PANX1: variants seen among roughly 807,000 people sequenced by gnomAD.
The protein encoded by PANX1 is pannexin 1, also known as pannexin-1.
A neutral mutation model predicts 38.7 loss-of-function variants in PANX1; 30 were observed. That is an observed-to-expected ratio of 0.78 (90% confidence interval 0.58 to 1.05). The LOEUF is 1.05. PANX1 is among the 50% of genes least tolerant of loss of function. PANX1 has a pLI of 0.00. For missense variants in PANX1, 551 were observed against 517.2 expected, an observed-to-expected ratio of 1.07 and a Z score of -0.63; for synonymous variants, 230 against 212.2, an observed-to-expected ratio of 1.08 and a Z score of -0.73.
rs571467442 is a variant in PANX1, at chr11:94,162,041, G to C, written c.321+8411G>C. Among the ~76,000 whole-genome samples, 16 of 152,290 alleles carry C rather than the reference G, an allele frequency of 1.1e-4. No homozygotes were observed. In the South Asian group the frequency reaches 3.3e-3, roughly 32 times the overall value. ...GGAGGCTGCAGAACAGCAGATACTG[G>C]TGAGCAGCAAATGTTGCTGCCTGAT... On this transcript the variant is annotated intron_variant, in intron 2 of 4. Transcript: ENST00000227638.
chr11:94,129,981 G>C (rs148378606), intron 1 of PANX1, among the ~76,000 whole-genome samples: 86 of 152,312 alleles, frequency 5.6e-4, no homozygotes, highest in African/African-American at 2.0e-3. Context: ...AGCTCTCTAG[G>C]GTTGTGAATG....
At position 94,179,674 on chromosome 11, in the gene PANX1, T is replaced by A. The variant is rs1273374103; in HGVS notation, c.618T>A (p.Ser206=). ...VEQYLKTKKN[S]NNLIIKYISC... ...AGTACTTGAAGACAAAGAAAAATTC[T>A]AATAATTTAATCATCAAGTACATTA... is the stretch of plus-strand genomic sequence containing the variant. Residue 206 remains serine, a synonymous_variant, in exon 4 of 5, where the codon TCT becomes TCA. Coordinates refer to ENST00000227638, the MANE Select transcript of PANX1 (RefSeq NM_015368.4). 6.2e-7 allele frequency: 1 copy of A among 1,613,488 alleles called. No individual in the cohort carries two copies. The highest frequency in any genetic ancestry group is 2.2e-5 in the East Asian group (1 of 44,894).
Position 94,153,500 on chromosome 11 carries a change from T to G in PANX1, c.191T>G (p.Ile64Arg), listed in dbSNP as rs369757341. ...FAQEISIGTQISCFSPSSFSW... is the reference protein window; with the variant it reads ...FAQEISIGTQRSCFSPSSFSW... ...CTGTTTTGCTTCTTAGGTACACAGATAAGCTGTTTCTCTCCAAGTTCTTTC... is the reference window on the plus strand; with the variant it reads ...CTGTTTTGCTTCTTAGGTACACAGAGAAGCTGTTTCTCTCCAAGTTCTTTC... Residue 64 changes from isoleucine (I) to arginine (R), a missense_variant, in exon 2 of 5, where the codon ATA becomes AGA. Coordinates refer to ENST00000227638, the MANE Select transcript of PANX1 (RefSeq NM_015368.4). The G allele has an allele frequency of 6.2e-7, 1 of 1,614,226 alleles. No individual in the cohort carries two copies. Among genetic ancestry groups the G allele is most frequent in the South Asian group, 1.1e-5 (1 of 91,082 alleles).
chr11:94,170,890 C>G lies in PANX1; in HGVS notation c.322-7479C>G, dbSNP rs74496946. Among the ~76,000 whole-genome samples the G allele has an allele frequency of 4.6e-3, 698 of 151,876 alleles. 35 individuals are homozygous for G. The highest frequency in any genetic ancestry group is 0.016 in the African/African-American group (665 of 41,146). ...TCTTTCTGGCACAATTGCTGTCCAG[C>G]AGGGGAGCCCACTGTTGACCCAGGA... On this transcript the variant is annotated intron_variant, in intron 2 of 4. Coordinates refer to ENST00000227638, the MANE Select transcript of PANX1 (RefSeq NM_015368.4).
At chr11:94,144,737 CTCCCTGGCCATTCATCCTCAGGGTGT>C (rs1412300098) in intron 1 of PANX1, among the ~76,000 whole-genome samples, 2 of 152,166 alleles carry the variant, frequency 1.3e-5, no homozygotes, top group Non-Finnish European at 2.9e-5. Context: ...ACCTTCTCTC[CTCCCTGGCCATTCATCCTCAGGGTGT>C]CATAGGTGTT....
rs534223808 is a variant in PANX1 at position 94,128,938 on chromosome 11, G to T, written c.-375G>T. Reference sequence around the variant, plus strand: ...CCGCTTCGGCAGCCAGGGCGGCGCGGAGGGGCAGGGCCAGAGGGAAGCGCT... The same window carrying T: ...CCGCTTCGGCAGCCAGGGCGGCGCGTAGGGGCAGGGCCAGAGGGAAGCGCT... On this transcript the variant is annotated 5_prime_UTR_variant, in exon 1 of 5. Transcript: ENST00000227638. 253 of 161,570 alleles carry T rather than the reference G, an allele frequency of 1.6e-3. No homozygotes were observed. The highest frequency in any genetic ancestry group is 5.7e-3 in the African/African-American group (237 of 41,928). The allele number at this position is 161,570 out of a possible 1,614,324, so 10.0% of individuals were successfully genotyped here. A position where few individuals can be genotyped will look rare whatever the true frequency, so the allele number is the denominator to read the frequency against.
intron 2 of PANX1, among the ~76,000 whole-genome samples, chr11:94,154,772 C>T (rs1946926993): frequency 6.6e-6 from 1 of 152,152 alleles, no homozygotes; most frequent in Non-Finnish European, 1.5e-5. Flanking sequence ...CTACTGTTGA[C>T]TGGAAGCCTT....
At chr11:94,146,746 CAGAG>C (rs1324967865) in intron 1 of PANX1, among the ~76,000 whole-genome samples, 1 of 152,164 alleles carries the variant, frequency 6.6e-6, no homozygotes, top group East Asian at 1.9e-4. Context: ...CAGAGAAAGA[CAGAG>C]AAAGTTCCAG....
chr11:94,133,299 T>C (rs778558204), intron 1 of PANX1, among the ~76,000 whole-genome samples: 21 of 152,148 alleles, frequency 1.4e-4, no homozygotes, highest in Non-Finnish European at 2.9e-4. Context: ...TCTGCCTTGC[T>C]CATTCACCAG....
intron 1 of PANX1, among the ~76,000 whole-genome samples, chr11:94,148,603 T>C (rs1401981583): frequency 6.6e-6 from 1 of 152,200 alleles, no homozygotes; most frequent in Non-Finnish European, 1.5e-5. Flanking sequence ...TTGGCAACCT[T>C]AAAATATAGC....
In PANX1 at chr11:94,137,583, C is replaced by G. The variant is rs928631878; in HGVS notation, c.181+8090C>G. Among the ~76,000 whole-genome samples the G allele has an allele frequency of 2.7e-5, 4 of 148,270 alleles. No homozygotes were observed. In the Admixed American group the frequency reaches 2.7e-4, roughly 10 times the overall value. ...CATGCTGTGGGGTTTCTGGGGGCAGCAGGGAGACATTAGTTACTTGGGGAG... is the reference window on the plus strand; with the variant it reads ...CATGCTGTGGGGTTTCTGGGGGCAGGAGGGAGACATTAGTTACTTGGGGAG... On this transcript the variant is annotated intron_variant, in intron 1 of 4. Transcript: ENST00000227638.
intron 2 of PANX1, among the ~76,000 whole-genome samples, chr11:94,174,318 G>A (rs1196257441): frequency 6.6e-6 from 1 of 151,406 alleles, no homozygotes; most frequent in Non-Finnish European, 1.5e-5. Flanking sequence ...TCACAGGCTT[G>A]TTCATTTACC....
At position 94,181,616 on chromosome 11, in the gene PANX1, G is replaced by A. The variant is rs1947307117; in HGVS notation, c.*747G>A. 1 of 152,334 alleles carries A rather than the reference G, an allele frequency of 6.6e-6. No individual in the cohort carries two copies. Among genetic ancestry groups the A allele is most frequent in the South Asian group, 2.1e-4 (1 of 4,830 alleles). The allele number at this position is 152,334 out of a possible 1,614,324, so 9.4% of individuals were successfully genotyped here. A position where few individuals can be genotyped will look rare whatever the true frequency, so the allele number is the denominator to read the frequency against. On this transcript the variant is annotated 3_prime_UTR_variant, in exon 5 of 5. Transcript: ENST00000227638. Reference sequence around the variant, plus strand: ...CCAAAAGAGCCCAGTGGGGAAATCTGACATCACAGAAGACATTAATTCAGT... The same window carrying A: ...CCAAAAGAGCCCAGTGGGGAAATCTAACATCACAGAAGACATTAATTCAGT...
chr11:94,149,147 CA>C (rs1405217839), intron 1 of PANX1, among the ~76,000 whole-genome samples: 2 of 152,102 alleles, frequency 1.3e-5, no homozygotes, highest in Admixed American at 6.5e-5. Flanking sequence ...AGGAGAGGAA[CA>C]AAAAAATGGG....
chr11:94,163,805 G>A (rs1947073852), intron 2 of PANX1, among the ~76,000 whole-genome samples: 1 of 152,118 alleles, frequency 6.6e-6, no homozygotes, highest in Non-Finnish European at 1.5e-5. Context: ...AGTAGGGTTG[G>A]TGTTAGTTCT....
At chr11:94,178,312 C>G in intron 2 of PANX1, 57 bp from the exon 3 acceptor site, 1 of 1,316,208 alleles carries the variant, frequency 7.6e-7, no homozygotes, top group Non-Finnish European at 1.1e-6. Flanking sequence ...CACTTGGCGC[C>G]ATAGGTTACT....
At chr11:94,140,839 A>G (rs868101290) in intron 1 of PANX1, among the ~76,000 whole-genome samples, 7 of 152,208 alleles carry the variant, frequency 4.6e-5, no homozygotes, top group African/African-American at 1.7e-4. Flanking sequence ...TAAACCCATT[A>G]CATGTTCAGG....
At chr11:94,143,291 C>T (rs1174421436) in intron 1 of PANX1, among the ~76,000 whole-genome samples, 1 of 152,156 alleles carries the variant, frequency 6.6e-6, no homozygotes, top group African/African-American at 2.4e-5. Flanking sequence ...CCCAGTTATC[C>T]AAGGAGGCCT....
intron 1 of PANX1, among the ~76,000 whole-genome samples, chr11:94,130,449 T>C (rs1946615899): frequency 6.6e-6 from 1 of 151,956 alleles, no homozygotes; most frequent in Admixed American, 6.6e-5. Flanking sequence ...GTTCCTGGAG[T>C]CTGAGAGTGA....
Sources: allele counts gnomAD v4.1 joint callset (sites outside exome capture counted in the v4.1 genomes callset), GRCh38; gene constraint gnomAD v4.1.1; transcripts MANE v1.5; gene names NCBI Gene and HGNC (gene_info 2026-07-23, HGNC 2026-07-21).